The following GALNT1 variants were observed in gnomAD, a reference collection of about 807,000 sequenced individuals.
GALNT1 encodes the protein polypeptide N-acetylgalactosaminyltransferase 1.
GALNT1 carries 17 observed loss-of-function variants against 65.7 expected under a neutral mutation model. That is an observed-to-expected ratio of 0.26 (90% CI 0.18 to 0.39). The LOEUF is 0.39. GALNT1 is among the 10% of genes least tolerant of loss of function. The pLI, the probability that GALNT1 is intolerant of heterozygous loss-of-function variation, is 1.00. For missense variants in GALNT1, 460 were observed against 672.8 expected (o/e 0.68, Z 3.50); for synonymous variants, 210 against 219.7 (o/e 0.96, Z 0.39).
intron 3 of GALNT1, among the ~76,000 whole-genome samples, chr18:35,671,437 G>C (rs894556497): frequency 3.9e-5 from 6 of 152,052 alleles, no homozygotes; most frequent in Non-Finnish European, 8.8e-5. Context: ...CCCAGGCTGG[G>C]ACTTTGTATT....
chr18:35,630,887 A>G (rs948620401), intron 1 of GALNT1, among the ~76,000 whole-genome samples: 1 of 152,260 alleles, frequency 6.6e-6, no homozygotes, highest in Non-Finnish European at 1.5e-5. Context: ...CACTGATCCC[A>G]CAGAAATACA....
At chr18:35,683,887 G>C (rs926683144) in intron 5 of GALNT1, among the ~76,000 whole-genome samples, 1 of 152,218 alleles carries the variant, frequency 6.6e-6, no homozygotes, top group Non-Finnish European at 1.5e-5. Context: ...GATAGATGGT[G>C]AACTCAGGGA....
In GALNT1 at chr18:35,692,229, GAC is replaced by G; in HGVS notation, c.1212_1213del (p.His404GlnfsTer17). The G allele has an allele frequency of 6.2e-7, 1 of 1,610,410 alleles. No individual in the cohort carries two copies. Among genetic ancestry groups the G allele is most frequent in the Non-Finnish European group, 8.5e-7 (1 of 1,177,344 alleles). ...GATATATCGTCAAGAGTTGGTCTAA[GAC>G]ACAAACTACAATGCAAACCTTTTTC... On this transcript the variant is annotated frameshift_variant, in exon 9 of 12. Transcript: ENST00000269195. LOFTEE classifies it high-confidence loss of function.
At chr18:35,701,689 C>T (rs534252752) in intron 9 of GALNT1, among the ~76,000 whole-genome samples, 130 of 152,128 alleles carry the variant, frequency 8.5e-4, no homozygotes, top group Non-Finnish European at 8.8e-4. Context: ...ATCAGGAAAA[C>T]GGGAAATTTT....
Position 35,583,033 on chromosome 18 carries a change from A to G in GALNT1, c.-104+1171A>G, listed in dbSNP as rs890816771. 7.2e-5 allele frequency among the ~76,000 whole-genome samples: 11 copies of G among 152,250 alleles called. No individual in the cohort carries two copies. The East Asian group carries it at 9.6e-4, about 13-fold the overall frequency. ...AAATTATACATACATTTGTTGTGTC[A>G]GTAAATATTTACTGAATGCGATCTG... is the stretch of plus-strand genomic sequence containing the variant. On this transcript the variant is annotated intron_variant, in intron 1 of 11. Coordinates refer to ENST00000269195, the MANE Select transcript of GALNT1 (RefSeq NM_020474.4).
In GALNT1 at chr18:35,643,778, A is replaced by G. The variant is rs549338076; in HGVS notation, c.-103-10782A>G. Among the ~76,000 whole-genome samples the G allele has an allele frequency of 6.0e-5, 9 of 151,184 alleles. No homozygotes were observed. The South Asian group carries it at 1.9e-3, about 32-fold the overall frequency. On this transcript the variant is annotated intron_variant, in intron 1 of 11. Transcript: ENST00000269195. ...GTGCCACTACACTCCAGCCTGGGCAACAGAGTGAGACTGACTCAAAAAAAA... is the reference window on the plus strand; with the variant it reads ...GTGCCACTACACTCCAGCCTGGGCAGCAGAGTGAGACTGACTCAAAAAAAA...
chr18:35,696,512 T>A (rs1457068642), intron 9 of GALNT1, among the ~76,000 whole-genome samples: 1 of 152,266 alleles, frequency 6.6e-6, no homozygotes, highest in Admixed American at 6.5e-5. Context: ...ACTCAGGAGC[T>A]GAGTATTCTA....
chr18:35,681,467 AC>A (rs1177705417), intron 4 of GALNT1, among the ~76,000 whole-genome samples: 1 of 151,798 alleles, frequency 6.6e-6, no homozygotes, highest in East Asian at 1.9e-4. Flanking sequence ...TTTGTGAGTT[AC>A]CCGACCACAG....
At chr18:35,602,364 T>C (rs1361599580) in intron 1 of GALNT1, among the ~76,000 whole-genome samples, 1 of 152,166 alleles carries the variant, frequency 6.6e-6, no homozygotes, top group Non-Finnish European at 1.5e-5. Context: ...TTGAATTGTT[T>C]GGTGATCTCT....
intron 1 of GALNT1, among the ~76,000 whole-genome samples, chr18:35,621,643 A>G (rs910088056): frequency 1.3e-5 from 2 of 152,156 alleles, no homozygotes; most frequent in African/African-American, 4.8e-5. Flanking sequence ...TATGTAGTAG[A>G]AATTATTCAT....
chr18:35,594,504 G>A (rs1446087267), intron 1 of GALNT1, among the ~76,000 whole-genome samples: 3 of 152,120 alleles, frequency 2.0e-5, no homozygotes, highest in Admixed American at 6.6e-5. Context: ...GTTTACAGGG[G>A]ACCTTGCCAG....
chr18:35,581,528 C>CA (rs1555644058), upstream of GALNT1, among the ~76,000 whole-genome samples: 1,094 of 142,906 alleles, frequency 7.7e-3, 24 homozygotes, highest in East Asian at 0.045. Context: ...CGCGCCCGAG[C>CA]GCCTGCGGGC....
chr18:35,633,595 G>A (rs1481292465), intron 1 of GALNT1, among the ~76,000 whole-genome samples: 1 of 151,952 alleles, frequency 6.6e-6, no homozygotes, highest in African/African-American at 2.4e-5. Context: ...CCTAATATAA[G>A]TGATGAGTTA....
rs946694871 is a variant in GALNT1, at chr18:35,688,867, CAGTT to C, written c.861-303_861-300del. The stretch of plus-strand genomic sequence containing the variant: ...ATTTAAGGAGTTTGAGATCTAAACT[CAGTT>C]AGGACCTGAGGGCCAAGAAAGATAG... On this transcript the variant is annotated intron_variant, in intron 6 of 11. Coordinates refer to ENST00000269195, the MANE Select transcript of GALNT1 (RefSeq NM_020474.4). Among the ~76,000 whole-genome samples the C allele has an allele frequency of 3.9e-5, 6 of 152,196 alleles. No homozygotes were observed. The South Asian group carries it at 6.2e-4, about 16-fold the overall frequency.
intron 2 of GALNT1, among the ~76,000 whole-genome samples, chr18:35,658,151 C>T (rs1249422305): frequency 6.6e-6 from 1 of 152,208 alleles, no homozygotes; most frequent in Admixed American, 6.5e-5. Flanking sequence ...ATGAGATGGC[C>T]TCCTTGCCTC....
At chr18:35,688,301 A>G (rs1319362409) in intron 6 of GALNT1, among the ~76,000 whole-genome samples, 2 of 152,138 alleles carry the variant, frequency 1.3e-5, no homozygotes, top group African/African-American at 2.4e-5. Flanking sequence ...TTTGGAAACA[A>G]CTGTTTCCTC....
intron 3 of GALNT1, among the ~76,000 whole-genome samples, chr18:35,670,977 G>A (rs992981621): frequency 6.6e-6 from 1 of 152,116 alleles, no homozygotes; most frequent in Non-Finnish European, 1.5e-5. Flanking sequence ...AATTTTATAT[G>A]TATTACCTGA....
chr18:35,645,029 A>C (rs2047211584), intron 1 of GALNT1, among the ~76,000 whole-genome samples: 1 of 151,622 alleles, frequency 6.6e-6, no homozygotes, highest in Non-Finnish European at 1.5e-5. Context: ...TAAATAAATA[A>C]ATCCATTCCC....
chr18:35,644,728 C>T (rs2047207680), intron 1 of GALNT1, among the ~76,000 whole-genome samples: 1 of 152,166 alleles, frequency 6.6e-6, no homozygotes, highest in Admixed American at 6.5e-5. Context: ...TGGTGACTCA[C>T]ACCAGTAATC....
Sources: gnomAD v4.1 joint callset for allele counts (sites outside exome capture counted in the v4.1 genomes callset) on GRCh38, gnomAD v4.1.1 for gene constraint, MANE v1.5 for transcripts, NCBI Gene and HGNC (gene_info 2026-07-23, HGNC 2026-07-21) for gene names.